Variants in PTTG1IP observed in about 807,000 individuals in gnomAD.
PTTG1IP encodes the protein PTTG1 interacting protein.
Under a neutral mutation model 24.4 loss-of-function variants are expected in PTTG1IP, and 16 were observed. The ratio of observed to expected loss-of-function variants is 0.66; its 90% CI spans 0.44 to 1.00. PTTG1IP has a LOEUF of 1.00. PTTG1IP is among the 50% of genes least tolerant of loss of function. The pLI, the probability that PTTG1IP is intolerant of heterozygous loss-of-function variation, is 0.00. For synonymous variants in PTTG1IP, 89 were observed against 96.8 expected (o/e 0.92, Z 0.47); for missense variants, 241 against 245.8 (o/e 0.98, Z 0.13).
rs1278108152 is a variant in PTTG1IP at position 44,873,476 on chromosome 21, G to A, written c.115+26C>T. ...CCACCAGCCGCCCCGCCCCCTTCGC[G>A]GCCCCGCCCGCCCCGGCGCCCTCAC... On this transcript the variant is annotated intron_variant, in intron 1 of 5. Transcript: ENST00000330938. The A allele has an allele frequency of 3.7e-6, 5 of 1,354,060 alleles. No individual in the cohort carries two copies. In the African/African-American group the frequency reaches 7.8e-5, roughly 21 times the overall value. The allele number at this position is 1,354,060 out of a possible 1,614,324, so 83.9% of individuals were successfully genotyped here. A position where few individuals can be genotyped will look rare whatever the true frequency, so the allele number is the denominator to read the frequency against.
At position 44,856,112 on chromosome 21, in the gene PTTG1IP, T is replaced by C. The variant is rs17004711; in HGVS notation, c.449+81A>G. On this transcript the variant is annotated intron_variant, in intron 4 of 5. Coordinates refer to ENST00000330938, the MANE Select transcript of PTTG1IP (RefSeq NM_004339.4). ...TCTAAAAACTGAGGAAAACTCAGGA[T>C]GTATCCATGTGATTTCCATGGCCTT... The C allele has an allele frequency of 6.4e-3, 10,287 of 1,611,860 alleles. 536 individuals are homozygous for C. In the African/African-American group the frequency reaches 0.12, roughly 18 times the overall value.
In PTTG1IP at chr21:44,855,112, C is replaced by T. The variant is rs1047962336; in HGVS notation, c.496+98G>A. 3.1e-6 allele frequency: 4 copies of T among 1,294,118 alleles called. No homozygotes were observed. The African/African-American group carries it at 5.9e-5, about 19-fold the overall frequency. The allele number at this position is 1,294,118 out of a possible 1,614,324, so 80.2% of individuals were successfully genotyped here. A position where few individuals can be genotyped will look rare whatever the true frequency, so the allele number is the denominator to read the frequency against. On this transcript the variant is annotated intron_variant, in intron 5 of 5. Transcript: ENST00000330938. ...CGTCCTTCTGTTCCGATGGGTGAAC[C>T]CACAGCCCCATCTCAGGCCACACTG...
In PTTG1IP at chr21:44,866,445, CAGAGTGCCTACTCCCCCAATCCCATA is replaced by C. The variant is rs1198440004; in HGVS notation, c.116-1024_116-999del. ...CATAACACACACACACACACACACA[CAGAGTGCCTACTCCCCCAATCCCATA>C]ACACACACACACACACACACGCAGA... On this transcript the variant is annotated intron_variant, in intron 1 of 5. Transcript: ENST00000330938. Among the ~76,000 whole-genome samples, 268 of 93,412 alleles carry C rather than the reference CAGAGTGCCTACTCCCCCAATCCCATA, an allele frequency of 2.9e-3. 2 individuals are homozygous for C. Among genetic ancestry groups the C allele is most frequent in the Non-Finnish European group, 3.4e-3 (154 of 45,716 alleles). The allele number at this position is 93,412 out of a possible 152,430, so 61.3% of individuals were successfully genotyped here.
chr21:44,866,595 CACAT>C (rs2083542561), intron 1 of PTTG1IP, among the ~76,000 whole-genome samples: 1 of 126,644 alleles, frequency 7.9e-6, no homozygotes, highest in Admixed American at 7.8e-5. Context: ...TCCCATAACA[CACAT>C]ACACACACAC....
chr21:44,858,199 C>T (rs769796986), intron 3 of PTTG1IP, among the ~76,000 whole-genome samples: 2 of 152,252 alleles, frequency 1.3e-5, no homozygotes, highest in Non-Finnish European at 2.9e-5. Context: ...TTTCATTTTC[C>T]TTCAAGTAAG....
In PTTG1IP at chr21:44,871,390, G is replaced by A. The variant is rs537760106; in HGVS notation, c.115+2112C>T. 5.9e-5 allele frequency among the ~76,000 whole-genome samples: 9 copies of A among 152,258 alleles called. No homozygotes were observed. The South Asian group carries it at 8.3e-4, about 14-fold the overall frequency. ...CCTTTTTGGGGTCGTCTTTCCTCCA[G>A]ATGAAGCTCTTGGATTGAGTCTGAC... On this transcript the variant is annotated intron_variant, in intron 1 of 5. Transcript: ENST00000330938.
At chr21:44,872,670 G>C (rs188221908) in intron 1 of PTTG1IP, among the ~76,000 whole-genome samples, 8 of 152,128 alleles carry the variant, frequency 5.3e-5, no homozygotes, top group African/African-American at 1.9e-4. Context: ...TATAAACACT[G>C]CCGGTTTCTG....
At chr21:44,860,113 A>G (rs1026975857) in intron 3 of PTTG1IP, among the ~76,000 whole-genome samples, 49 of 152,220 alleles carry the variant, frequency 3.2e-4, no homozygotes, top group Non-Finnish European at 1.0e-4. Flanking sequence ...TCACGCCTGT[A>G]ATCCCAGCAC....
intron 1 of PTTG1IP, among the ~76,000 whole-genome samples, chr21:44,869,833 T>C (rs2083569962): frequency 6.6e-6 from 1 of 152,190 alleles, no homozygotes; most frequent in African/African-American, 2.4e-5. Flanking sequence ...TGAAAAGTCA[T>C]CCATGAGGAA....
intron 3 of PTTG1IP, among the ~76,000 whole-genome samples, 153 bp downstream of exon 3, chr21:44,861,010 G>C (rs2083486910): frequency 6.6e-6 from 1 of 152,020 alleles, no homozygotes. Flanking sequence ...CACCATGTTA[G>C]CCAGGATGGT....
At chr21:44,862,543 C>T (rs746852810) in intron 2 of PTTG1IP, among the ~76,000 whole-genome samples, 48 of 152,088 alleles carry the variant, frequency 3.2e-4, no homozygotes, top group Non-Finnish European at 5.7e-4. Context: ...AAAGAACTGC[C>T]GTTCGGCAGC....
chr21:44,853,245 T>C (rs1045909142), intron 5 of PTTG1IP, among the ~76,000 whole-genome samples: 11 of 152,208 alleles, frequency 7.2e-5, no homozygotes, highest in Non-Finnish European at 1.3e-4. Flanking sequence ...TGGTGGCTCA[T>C]GCCTATAATC....
At position 44,863,269 on chromosome 21, in the gene PTTG1IP, G is replaced by A. The variant is rs563289369; in HGVS notation, c.169-1998C>T. ...AGAGACACAGCCCGCCACGGCCTCGGCAACACAGAGACACACAGCCCGCCA... is the reference window on the plus strand; with the variant it reads ...AGAGACACAGCCCGCCACGGCCTCGACAACACAGAGACACACAGCCCGCCA... On this transcript the variant is annotated intron_variant, in intron 2 of 5. Coordinates refer to ENST00000330938, the MANE Select transcript of PTTG1IP (RefSeq NM_004339.4). Among the ~76,000 whole-genome samples the A allele has an allele frequency of 5.0e-4, 54 of 106,970 alleles. 7 individuals are homozygous for A. In the South Asian group the frequency reaches 0.017, roughly 33 times the overall value. 70.2% of individuals were successfully genotyped at this position (106,970 alleles called of 152,430 possible). A position where few individuals can be genotyped will look rare whatever the true frequency, so the allele number is the denominator to read the frequency against.
chr21:44,861,803 C>G (rs1294897104), intron 2 of PTTG1IP: 1 of 717,538 alleles, frequency 1.4e-6, no homozygotes, highest in East Asian at 2.7e-5. Context: ...GCTGAAGTCT[C>G]CCAAGAACAC....
intron 5 of PTTG1IP, among the ~76,000 whole-genome samples, chr21:44,852,354 G>C (rs1244496454): frequency 2.6e-5 from 4 of 152,080 alleles, no homozygotes; most frequent in African/African-American, 9.7e-5. Flanking sequence ...GCTAATTTTT[G>C]TATTTTTAGT....
At chr21:44,858,066 C>G (rs963855247) in intron 3 of PTTG1IP, among the ~76,000 whole-genome samples, 1 of 152,228 alleles carries the variant, frequency 6.6e-6, no homozygotes, top group African/African-American at 2.4e-5. Context: ...GAAACAAACT[C>G]TGGGCTCCTT....
intron 3 of PTTG1IP, among the ~76,000 whole-genome samples, chr21:44,860,463 CAA>C (rs1012793557): frequency 6.5e-5 from 5 of 77,450 alleles, no homozygotes; most frequent in African/African-American, 5.2e-4. Flanking sequence ...GATACGCACA[CAA>C]AAAAAGAGGG....
At position 44,869,010 on chromosome 21, in the gene PTTG1IP, C is replaced by G. The variant is rs144899060; in HGVS notation, c.116-3563G>C. Among the ~76,000 whole-genome samples, 598 of 152,340 alleles carry G rather than the reference C, an allele frequency of 3.9e-3. 13 individuals carry two copies. Among genetic ancestry groups the G allele is most frequent in the East Asian group, 0.016 (82 of 5,186 alleles). ...ACAAAGTGACAGCATGTGCCTCCCACGGAGGATACTGAGAGGACAGAATCA... is the reference window on the plus strand; with the variant it reads ...ACAAAGTGACAGCATGTGCCTCCCAGGGAGGATACTGAGAGGACAGAATCA... On this transcript the variant is annotated intron_variant, in intron 1 of 5. Coordinates refer to ENST00000330938, the MANE Select transcript of PTTG1IP (RefSeq NM_004339.4).
intron 3 of PTTG1IP, 54 bp downstream of exon 3, chr21:44,861,109 C>T (rs2083488162): frequency 6.6e-7 from 1 of 1,526,318 alleles, no homozygotes; most frequent in Admixed American, 1.7e-5. Flanking sequence ...GCCCATACTA[C>T]TATTTTCAAA....
Sources: allele counts gnomAD v4.1 joint callset (sites outside exome capture counted in the v4.1 genomes callset), GRCh38; gene constraint gnomAD v4.1.1; transcripts MANE v1.5; gene names NCBI Gene and HGNC (gene_info 2026-07-23, HGNC 2026-07-21).